The following GLS2 variants were observed in gnomAD, a reference collection of about 807,000 sequenced individuals.
GLS2 encodes glutaminase 2.
GLS2 carries 52 observed loss-of-function variants against 79.0 expected under a neutral mutation model. The ratio of observed to expected loss-of-function variants is 0.66; its 90% CI spans 0.53 to 0.83. The LOEUF (loss-of-function observed/expected upper bound fraction) is 0.83, where lower values mean the gene tolerates loss of function less well. Ranked by LOEUF, GLS2 falls within the 40% of genes least tolerant of loss-of-function variation. The pLI is 0.00. For missense variants in GLS2, 561 were observed against 764.8 expected, an observed-to-expected ratio of 0.73 and a Z score of 3.14; for synonymous variants, 238 against 280.8, an observed-to-expected ratio of 0.85 and a Z score of 1.52.
intron 12 of GLS2, chr12:56,474,179 G>A (rs544656766): frequency 1.1e-5 from 3 of 265,186 alleles, no homozygotes; most frequent in Non-Finnish European, 2.2e-5. Context: ...TGCAACCTCT[G>A]CCTCCCAGGT....
rs1869785885 is a variant in GLS2, at chr12:56,476,116, T to G, written c.838-139A>C. ...GTTCAATTTTATAATGGCCCTTTTTTTATCCTTCTGAAAACACCGCACTTC... is the reference window on the plus strand; with the variant it reads ...GTTCAATTTTATAATGGCCCTTTTTGTATCCTTCTGAAAACACCGCACTTC... On this transcript the variant is annotated intron_variant, in intron 7 of 17. Transcript: ENST00000311966. 1.9e-5 allele frequency: 14 copies of G among 748,324 alleles called. 1 individual carries two copies. In the Admixed American group the frequency reaches 3.3e-4, roughly 18 times the overall value. The allele number at this position is 748,324 out of a possible 1,614,324, so 46.4% of individuals were successfully genotyped here.
chr12:56,475,651 T>C lies in GLS2; in HGVS notation c.902A>G (p.Asn301Ser), dbSNP rs535717364. 41 of 1,614,212 alleles carry C rather than the reference T, an allele frequency of 2.5e-5. No homozygotes were observed. The South Asian group carries it at 3.7e-4, about 15-fold the overall frequency. The stretch of plus-strand genomic sequence containing the variant: ...GGCATTGCTGAAACCCATGTATTCA[T>C]TCCCAGCCATTTTGTTGAGATACTG... Reference protein sequence around the residue: ...VLQYLNKMAGNEYMGFSNATF... With the variant: ...VLQYLNKMAGSEYMGFSNATF... The change falls in exon 9 of 18, where the codon AAT becomes AGT. Residue 301 changes from asparagine to serine, a missense_variant. Asn to Ser is a conservative substitution (Grantham distance 46). Coordinates refer to ENST00000311966, the MANE Select transcript of GLS2 (RefSeq NM_013267.4).
chr12:56,476,042 A>T, intron 7 of GLS2, 65 bp from the exon 8 acceptor site: 1 of 1,512,942 alleles, frequency 6.6e-7, no homozygotes, highest in Non-Finnish European at 9.1e-7. Context: ...AAGGGTCAGA[A>T]GGATCTAGTG....
At chr12:56,472,391 TCC>T in intron 15 of GLS2, 196 bp from the exon 16 acceptor site, 1 of 615,072 alleles carries the variant, frequency 1.6e-6, no homozygotes, top group Non-Finnish European at 2.9e-6. Flanking sequence ...GGGAATGTGA[TCC>T]TTCCAGAAAT....
In GLS2 at chr12:56,474,855, G is replaced by T. The variant is rs1036694507; in HGVS notation, c.1038C>A (p.Leu346=). 5 of 1,614,074 alleles carry T rather than the reference G, an allele frequency of 3.1e-6. No individual in the cohort carries two copies. Among genetic ancestry groups the T allele is most frequent in the Non-Finnish European group, 3.4e-6 (4 of 1,180,042 alleles). The part of the protein sequence containing the change: ...KGVDMMAALD[L]YFQLCSVEVT... ...AGCAGTGTTTTCTTACCTGGAAGTA[G>T]AGATCAAGGGCAGCCATCATGTCCA... Residue 346 remains leucine, a synonymous_variant, in exon 11 of 18, where the codon CTC becomes CTA. Coordinates refer to ENST00000311966, the MANE Select transcript of GLS2 (RefSeq NM_013267.4).
Position 56,488,102 on chromosome 12 carries a change from G to A in GLS2, c.17C>T (p.Ala6Val), listed in dbSNP as rs1870842317. 6.4e-7 allele frequency: 1 copy of A among 1,557,210 alleles called. No individual in the cohort carries two copies. The change falls in exon 1 of 18, where the codon GCT becomes GTT. Residue 6 changes from alanine (A) to valine (V), a missense_variant. By Grantham distance (64) the Ala-to-Val change is moderately conservative. Transcript: ENST00000311966. ...AGCCCGGCTCAGGGCCTTCTGCAGA[G>A]CCTTCATGGAGCGCATGCCCCAGCA... Reference protein sequence around the residue: MRSMKALQKALSRAGS... With the variant: MRSMKVLQKALSRAGS...
chr12:56,485,342 G>A (rs779691997), intron 1 of GLS2, among the ~76,000 whole-genome samples: 2 of 151,978 alleles, frequency 1.3e-5, no homozygotes, highest in Non-Finnish European at 2.9e-5. Context: ...CTACAGCCTC[G>A]ACCTACAGGG....
rs751104669 is a variant in GLS2 at position 56,472,739 on chromosome 12, C to T, written c.1462G>A (p.Val488Ile). Residue 488 changes from valine (V) to isoleucine (I), a missense_variant, in exon 15 of 18, where the codon GTC becomes ATC. Physicochemically the swap from Val to Ile is conservative, Grantham distance 29. This residue lies in a region of GLS2 where 136 missense variants were observed against 228.6 expected (regional missense o/e 0.59). Coordinates refer to ENST00000311966, the MANE Select transcript of GLS2 (RefSeq NM_013267.4). The stretch of plus-strand genomic sequence containing the variant: ...CTATAGGCAGCAAATAACAGGTTGA[C>T]CACAGTCTTGTTCTGGAACACAAAT... ...EGAEIRNKTV[V>I]NLLFAAYSGD... 3.7e-6 allele frequency: 6 copies of T among 1,613,722 alleles called. No individual in the cohort carries two copies. The Admixed American group carries it at 1.0e-4, about 27-fold the overall frequency.
intron 12 of GLS2, 116 bp from the exon 13 acceptor site, chr12:56,473,710 C>T: frequency 7.6e-7 from 1 of 1,313,768 alleles, no homozygotes; most frequent in Non-Finnish European, 1.0e-6. Context: ...CAATCCACCT[C>T]AACCTTTTGG....
chr12:56,480,456 C>G (rs1439619604), intron 1 of GLS2, 69 bp from the exon 2 acceptor site: 1 of 1,187,026 alleles, frequency 8.4e-7, no homozygotes, highest in African/African-American at 1.5e-5. Flanking sequence ...CCTTCTGCAA[C>G]ATGGGCTTAT....
intron 12 of GLS2, 43 bp from the exon 13 acceptor site, chr12:56,473,637 CA>C (rs1565701857): frequency 6.4e-7 from 1 of 1,572,172 alleles, no homozygotes; most frequent in South Asian, 1.2e-5. Context: ...GGGTGTGCCC[CA>C]AATCAGAAAA....
chr12:56,479,364 G>T, intron 3 of GLS2, 183 bp from the exon 4 acceptor site: 2 of 640,768 alleles, frequency 3.1e-6, no homozygotes, highest in Non-Finnish European at 5.0e-6. Flanking sequence ...TAAAATGAGG[G>T]GTTTTAATGA....
intron 1 of GLS2, among the ~76,000 whole-genome samples, chr12:56,483,086 T>C (rs185823105): frequency 2.9e-3 from 441 of 150,032 alleles, no homozygotes; most frequent in African/African-American, 0.01. Context: ...TTTCTTTCTT[T>C]TTTTTTTTTT....
intron 1 of GLS2, among the ~76,000 whole-genome samples, chr12:56,486,747 C>A (rs2136198763): frequency 6.6e-6 from 1 of 152,224 alleles, no homozygotes; most frequent in African/African-American, 2.4e-5. Flanking sequence ...GTAATCCCAG[C>A]TATTCGAGAG....
chr12:56,486,253 C>T (rs1870679189), intron 1 of GLS2, among the ~76,000 whole-genome samples: 1 of 152,066 alleles, frequency 6.6e-6, no homozygotes. Flanking sequence ...GCAGAAGAAA[C>T]AAGGTCCCCT....
In GLS2 at chr12:56,488,076, C is replaced by T. The variant is rs565094169; in HGVS notation, c.43G>A (p.Gly15Ser). The change falls in exon 1 of 18, where the codon GGC becomes AGC. Residue 15 changes from glycine to serine, a missense_variant. Coordinates refer to ENST00000311966, the MANE Select transcript of GLS2 (RefSeq NM_013267.4). Reference protein sequence around the residue: ...KALQKALSRAGSHCGRGGWGH... With the variant: ...KALQKALSRASSHCGRGGWGH... ...CAGCCTCCTCGCCCGCAGTGACTGC[C>T]AGCCCGGCTCAGGGCCTTCTGCAGA... The T allele has an allele frequency of 6.4e-7, 1 of 1,573,326 alleles. No homozygotes were observed. The highest frequency in any genetic ancestry group is 8.6e-7 in the Non-Finnish European group (1 of 1,166,462).
At chr12:56,481,834 T>C (rs1017236928) in intron 1 of GLS2, among the ~76,000 whole-genome samples, 1 of 151,498 alleles carries the variant, frequency 6.6e-6, no homozygotes, top group Non-Finnish European at 1.5e-5. Flanking sequence ...GAGGTTGCAG[T>C]GAGCCGAGAT....
intron 2 of GLS2, 21 bp downstream of exon 2, chr12:56,480,267 A>C (rs1431445117): frequency 4.5e-5 from 72 of 1,599,054 alleles, no homozygotes; most frequent in Non-Finnish European, 6.1e-5. Context: ...TAGGATCCTG[A>C]ACAGGTAGAG....
chr12:56,474,486 T>C, intron 12 of GLS2, 58 bp downstream of exon 12: 2 of 1,588,900 alleles, frequency 1.3e-6, no homozygotes, highest in East Asian at 2.2e-5. Context: ...AGAGAGTCAG[T>C]GTTCTCTCTT....
Sources: allele counts gnomAD v4.1 joint callset (sites outside exome capture counted in the v4.1 genomes callset), GRCh38; gene constraint gnomAD v4.1.1; regional missense constraint gnomAD v4.1.1; transcripts MANE v1.5; gene names NCBI Gene and HGNC (gene_info 2026-07-23, HGNC 2026-07-21).